Variants in SCMH1 observed in about 807,000 individuals in gnomAD.
The protein encoded by SCMH1 is Scm polycomb group protein homolog 1.
SCMH1 carries 37 observed loss-of-function variants against 70.8 expected under a neutral mutation model. The observed-to-expected ratio is 0.52, with a 90% CI of 0.40 to 0.69. The LOEUF (loss-of-function observed/expected upper bound fraction) is 0.69. Ranked by LOEUF, SCMH1 falls within the 30% of genes least tolerant of loss-of-function variation. The probability of loss-of-function intolerance (pLI) is 0.00; values close to 1 mark genes in which losing one functional copy is unlikely to be tolerated. For missense variants in SCMH1, 607 were observed against 827.3 expected (o/e 0.73, Z 3.27); for synonymous variants, 292 against 307.4 (o/e 0.95, Z 0.52).
At chr1:41,111,886 T>G (rs1669327101) in intron 8 of SCMH1, among the ~76,000 whole-genome samples, 1 of 152,218 alleles carries the variant, frequency 6.6e-6, no homozygotes, top group African/African-American at 2.4e-5. Context: ...TACAAAGAAC[T>G]TTTGTGAATG....
intron 4 of SCMH1, 59 bp from the exon 5 acceptor site, chr1:41,151,743 G>A (rs1645094445): frequency 9.7e-6 from 12 of 1,240,030 alleles, no homozygotes; most frequent in Non-Finnish European, 1.3e-5. Context: ...TGTTTTCAGG[G>A]TATAATCTAC....
chr1:41,190,416 T>A (rs1651411567), intron 1 of SCMH1, among the ~76,000 whole-genome samples: 1 of 152,188 alleles, frequency 6.6e-6, no homozygotes, highest in Non-Finnish European at 1.5e-5. Flanking sequence ...TAGGAAGAAC[T>A]TTCTGCCAGT....
At chr1:41,168,143 G>T (rs1442261936) in intron 2 of SCMH1, among the ~76,000 whole-genome samples, 1 of 151,920 alleles carries the variant, frequency 6.6e-6, no homozygotes, top group Non-Finnish European at 1.5e-5. Flanking sequence ...GGGCTTCCTG[G>T]ATTTGGCTTT....
At chr1:41,151,740 AG>A in intron 4 of SCMH1, 56 bp from the exon 5 acceptor site, 1 of 1,309,814 alleles carries the variant, frequency 7.6e-7, no homozygotes, top group Non-Finnish European at 1.1e-6. Context: ...AAATGTTTTC[AG>A]GGTATAATCT....
At chr1:41,101,160 T>C (rs1351870408) in intron 8 of SCMH1, among the ~76,000 whole-genome samples, 2 of 152,074 alleles carry the variant, frequency 1.3e-5, no homozygotes, top group Non-Finnish European at 2.9e-5. Flanking sequence ...AAAACCAAAT[T>C]AGAGCCAATG....
chr1:41,233,795 C>T (rs1661771136), intron 1 of SCMH1, among the ~76,000 whole-genome samples: 1 of 152,194 alleles, frequency 6.6e-6, no homozygotes, highest in African/African-American at 2.4e-5. Flanking sequence ...GGCATCCAAA[C>T]ATCACTTTCT....
chr1:41,127,140 G>C (rs1350758047), intron 6 of SCMH1, among the ~76,000 whole-genome samples: 1 of 152,048 alleles, frequency 6.6e-6, no homozygotes, highest in African/African-American at 2.4e-5. Flanking sequence ...TATGTCTGAG[G>C]ACCATTTGTA....
At chr1:41,089,855 A>T (rs1348014638) in intron 8 of SCMH1, among the ~76,000 whole-genome samples, 1 of 128,482 alleles carries the variant, frequency 7.8e-6, no homozygotes, top group East Asian at 2.5e-4. Context: ...GCAGTGGTAC[A>T]ATCTCAGATC....
chr1:41,111,993 A>C (rs1177597765), intron 8 of SCMH1, among the ~76,000 whole-genome samples: 3 of 152,178 alleles, frequency 2.0e-5, no homozygotes, highest in African/African-American at 7.2e-5. Flanking sequence ...CATGCCATTT[A>C]TCTTATGTCA....
intron 1 of SCMH1, among the ~76,000 whole-genome samples, chr1:41,226,065 G>A (rs1446675097): frequency 6.6e-6 from 1 of 152,164 alleles, no homozygotes; most frequent in Non-Finnish European, 1.5e-5. Flanking sequence ...TAAGCAAAAT[G>A]TTTGTTACCT....
chr1:41,068,648 C>G (rs1474485112), intron 10 of SCMH1, among the ~76,000 whole-genome samples: 1 of 152,054 alleles, frequency 6.6e-6, no homozygotes, highest in African/African-American at 2.4e-5. Context: ...TCAAGTAATC[C>G]GTCCGTCTTG....
chr1:41,212,862 T>C (rs981301858), intron 1 of SCMH1, among the ~76,000 whole-genome samples: 1 of 151,900 alleles, frequency 6.6e-6, no homozygotes, highest in Admixed American at 6.6e-5. Flanking sequence ...GGCAACAAAG[T>C]GAGACTCTGT....
intron 13 of SCMH1, among the ~76,000 whole-genome samples, chr1:41,029,866 T>G (rs946468739): frequency 6.6e-6 from 1 of 152,196 alleles, no homozygotes; most frequent in African/African-American, 2.4e-5. Context: ...TTTTCCCCCA[T>G]CACACCATGC....
intron 2 of SCMH1, among the ~76,000 whole-genome samples, chr1:41,175,625 A>G (rs904051229): frequency 1.8e-4 from 28 of 152,050 alleles, no homozygotes; most frequent in African/African-American, 6.8e-4. Flanking sequence ...CTCCTGAAGG[A>G]CCTCCAATAG....
intron 1 of SCMH1, among the ~76,000 whole-genome samples, chr1:41,221,318 A>C (rs1434475486): frequency 1.3e-5 from 2 of 152,124 alleles, no homozygotes; most frequent in African/African-American, 2.4e-5. Flanking sequence ...GCATCCTGGA[A>C]GTGGATGGTG....
intron 2 of SCMH1, among the ~76,000 whole-genome samples, chr1:41,182,277 C>G (rs544757841): frequency 6.6e-6 from 1 of 152,194 alleles, no homozygotes; most frequent in Non-Finnish European, 1.5e-5. Flanking sequence ...TGCAGCACAC[C>G]AACATGGCAC....
chr1:41,091,854 G>A (rs561348364), intron 8 of SCMH1, among the ~76,000 whole-genome samples: 12 of 152,176 alleles, frequency 7.9e-5, no homozygotes, highest in East Asian at 1.9e-4. Flanking sequence ...ACAAACCACT[G>A]CTCAATGAAA....
rs556563584 is a variant in SCMH1 at position 41,161,569 on chromosome 1, A to C, written c.14-137T>G. The C allele has an allele frequency of 3.8e-4, 364 of 969,778 alleles. No individual in the cohort carries two copies. The African/African-American group carries it at 5.5e-3, about 15-fold the overall frequency. The allele number at this position is 969,778 out of a possible 1,614,324, so 60.1% of individuals were successfully genotyped here. On this transcript the variant is annotated intron_variant, in intron 2 of 14. Transcript: ENST00000337495. Reference sequence around the variant, plus strand: ...TCTATGCTAAGGAAAAATACTCCAAAATACAAGAAAAAGGTTTTATGTAAA... The same window carrying C: ...TCTATGCTAAGGAAAAATACTCCAACATACAAGAAAAAGGTTTTATGTAAA...
chr1:41,134,295 G>C (rs921171294), intron 6 of SCMH1, among the ~76,000 whole-genome samples: 2 of 152,074 alleles, frequency 1.3e-5, no homozygotes, highest in Non-Finnish European at 2.9e-5. Context: ...AAAATAATAA[G>C]AGCTATTTAT....
Sources: allele counts gnomAD v4.1 joint callset (sites outside exome capture counted in the v4.1 genomes callset), GRCh38; gene constraint gnomAD v4.1.1; transcripts MANE v1.5; gene names NCBI Gene and HGNC (gene_info 2026-07-23, HGNC 2026-07-21).